Variants in ZDBF2 observed in about 807,000 individuals in gnomAD.
The protein encoded by ZDBF2 is DBF4-type zinc finger-containing protein 2.
In ZDBF2, 6 loss-of-function variants were observed where a neutral mutation model predicts 9.4. The ratio of observed to expected loss-of-function variants is 0.64; its 90% CI spans 0.35 to 1.27. The LOEUF (loss-of-function observed/expected upper bound fraction) is 1.27, where lower values mean the gene tolerates loss of function less well. Ranked by LOEUF, ZDBF2 falls within the 50% of genes most tolerant of loss-of-function variation. The pLI, the probability that ZDBF2 is intolerant of heterozygous loss-of-function variation, is 0.03. For missense variants in ZDBF2, 2,697 were observed against 2,766.8 expected, an observed-to-expected ratio of 0.97 and a Z score of 0.57; for synonymous variants, 905 against 946.3, an observed-to-expected ratio of 0.96 and a Z score of 0.80.
At position 206,307,159 on chromosome 2, in the gene ZDBF2, T is replaced by C; in HGVS notation, c.2631T>C (p.His877=). ...PSGSEISSDS[H]APLHSVTNSP... is the part of the protein sequence containing the mutation. ...GTTCTGAAATAAGTTCGGATTCCCA[T>C]GCCCCTCTTCATTCAGTGACTAATT... Residue 877 remains histidine (H), a synonymous_variant, in exon 5 of 5, where the codon CAT becomes CAC. Coordinates refer to ENST00000374423, the MANE Select transcript of ZDBF2 (RefSeq NM_020923.3). 6.2e-7 allele frequency: 1 copy of C among 1,613,390 alleles called. No homozygotes were observed.
At chr2:206,292,758 A>G (rs898693493) in intron 3 of ZDBF2, among the ~76,000 whole-genome samples, 2 of 152,246 alleles carry the variant, frequency 1.3e-5, no homozygotes, top group Admixed American at 1.3e-4. Context: ...ATCATTTACA[A>G]TAGCATCAAA....
At chr2:206,290,112 C>G (rs1439534846) in intron 3 of ZDBF2, among the ~76,000 whole-genome samples, 1 of 152,192 alleles carries the variant, frequency 6.6e-6, no homozygotes, top group Non-Finnish European at 1.5e-5. Context: ...TGAAGACTAT[C>G]CTTTCCACAT....
intron 3 of ZDBF2, among the ~76,000 whole-genome samples, chr2:206,282,632 A>G (rs1428061588): frequency 6.6e-6 from 1 of 152,188 alleles, no homozygotes; most frequent in East Asian, 1.9e-4. Context: ...TAGGAGTTAA[A>G]TCGTCTACTT....
rs1693089009 is a variant in ZDBF2, at chr2:206,310,289, C to G, written c.5761C>G (p.Pro1921Ala). The G allele has an allele frequency of 6.2e-7, 1 of 1,613,938 alleles. No individual in the cohort carries two copies. The highest frequency in any genetic ancestry group is 1.1e-5 in the South Asian group (1 of 91,068). Residue 1921 changes from proline to alanine, a missense_variant, in exon 5 of 5, where the codon CCT becomes GCT. Pro to Ala is a conservative substitution (Grantham distance 27). Coordinates refer to ENST00000374423, the MANE Select transcript of ZDBF2 (RefSeq NM_020923.3). ...CTTAGATAAACCATGCCATCGTCAT[C>G]CTCCAGCAGAGAGGCCTCCTAAGCA... ...VALDKPCHRHPPAERPPKQKG... is the reference protein window; with the variant it reads ...VALDKPCHRHAPAERPPKQKG...
rs146720675 is a variant in ZDBF2 at position 206,308,999 on chromosome 2, G to A, written c.4471G>A (p.Asp1491Asn). 9.9e-6 allele frequency: 16 copies of A among 1,613,758 alleles called. No homozygotes were observed. Among genetic ancestry groups the A allele is most frequent in the Middle Eastern group, 1.6e-4 (1 of 6,062 alleles). The change falls in exon 5 of 5, where the codon GAT becomes AAT. Residue 1491 changes from aspartate to asparagine, a missense_variant. Asp to Asn is a conservative substitution (Grantham distance 23, BLOSUM62 1). Coordinates refer to ENST00000374423, the MANE Select transcript of ZDBF2 (RefSeq NM_020923.3). ...EEHVVMEEKTDQPSDSEMMYD... is the reference protein window; with the variant it reads ...EEHVVMEEKTNQPSDSEMMYD... ...GCATGTTGTCATGGAAGAAAAGACC[G>A]ATCAACCTAGTGATTCAGAAATGAT... is the stretch of plus-strand genomic sequence containing the variant.
intron 4 of ZDBF2, among the ~76,000 whole-genome samples, chr2:206,300,143 A>T (rs1028787254): frequency 3.3e-5 from 5 of 152,098 alleles, no homozygotes; most frequent in African/African-American, 9.7e-5. Flanking sequence ...AAAGCAAAAA[A>T]TTCCCTGAAC....
intron 3 of ZDBF2, among the ~76,000 whole-genome samples, 191 bp from the exon 4 acceptor site, chr2:206,297,055 T>G (rs1013110162): frequency 3.9e-5 from 6 of 152,232 alleles, no homozygotes; most frequent in Non-Finnish European, 8.8e-5. Flanking sequence ...TAGGCTGTAC[T>G]TAGGGAAATC....
At chr2:206,297,189 ACT>A (rs1692226977) in intron 3 of ZDBF2, 55 bp from the exon 4 acceptor site, 1 of 672,892 alleles carries the variant, frequency 1.5e-6, no homozygotes, top group Non-Finnish European at 2.5e-6. Flanking sequence ...ATTTTGTCGA[ACT>A]CTCACTACTG....
At chr2:206,284,028 T>C (rs980697198) in intron 3 of ZDBF2, among the ~76,000 whole-genome samples, 2 of 152,176 alleles carry the variant, frequency 1.3e-5, no homozygotes, top group Non-Finnish European at 2.9e-5. Flanking sequence ...GTTTTGCTTA[T>C]GTTTTTTGGT....
Position 206,311,532 on chromosome 2 carries a change from A to G in ZDBF2, c.7004A>G (p.Gln2335Arg). 1 of 1,558,278 alleles carries G rather than the reference A, an allele frequency of 6.4e-7. No homozygotes were observed. Among genetic ancestry groups the G allele is most frequent in the Non-Finnish European group, 8.6e-7 (1 of 1,156,672 alleles). ...GATCTGAGAAGCTCATCTTGTTTACAACAACGTGAGAGAATGATGACTCGG... is the reference window on the plus strand; with the variant it reads ...GATCTGAGAAGCTCATCTTGTTTACGACAACGTGAGAGAATGATGACTCGG... The part of the protein sequence containing the change: ...AYDLRSSSCL[Q>R]QRERMMTRLA... Residue 2335 changes from glutamine (Q) to arginine (R), a missense_variant, in exon 5 of 5, where the codon CAA becomes CGA. This residue lies in a region of ZDBF2 where 1,783 missense variants were observed against 1,776.5 expected (regional missense o/e 1.00). Coordinates refer to ENST00000374423, the MANE Select transcript of ZDBF2 (RefSeq NM_020923.3).
chr2:206,304,602 C>T, intron 4 of ZDBF2, 115 bp from the exon 5 acceptor site: 1 of 1,310,790 alleles, frequency 7.6e-7, no homozygotes, highest in Non-Finnish European at 1.0e-6. Context: ...GCCTGGATTC[C>T]TTGTCCTTTA....
At chr2:206,283,884 A>G (rs1051665806) in intron 3 of ZDBF2, among the ~76,000 whole-genome samples, 2 of 152,084 alleles carry the variant, frequency 1.3e-5, no homozygotes, top group Non-Finnish European at 2.9e-5. Context: ...GCTGGTCTCA[A>G]ACTCCTGGGC....
intron 3 of ZDBF2, among the ~76,000 whole-genome samples, chr2:206,293,413 A>G (rs867100444): frequency 4.6e-5 from 7 of 152,196 alleles, no homozygotes; most frequent in Admixed American, 2.0e-4. Context: ...TTCTGGCCAC[A>G]AAAAGCACTG....
At chr2:206,293,557 A>G (rs151076170) in intron 3 of ZDBF2, among the ~76,000 whole-genome samples, 1 of 152,336 alleles carries the variant, frequency 6.6e-6, no homozygotes, top group African/African-American at 2.4e-5. Context: ...GGTGTCCTGA[A>G]TAGGGAATTT....
rs1426879536 is a variant in ZDBF2, at chr2:206,309,309, C to G, written c.4781C>G (p.Thr1594Arg). The change falls in exon 5 of 5, where the codon ACA (threonine) becomes AGA (arginine). Residue 1594 changes from threonine (T) to arginine (R), a missense_variant. Around this residue, in one of 3 missense-constraint regions of ZDBF2, gnomAD observed 1,783 missense variants for 1,776.5 expected, o/e 1.00. Transcript: ENST00000374423. The stretch of plus-strand genomic sequence containing the variant: ...TGTAAAGCCTCTACTCCCTCAATGA[C>G]AAACCAATGCAAAGAGACTTTCAAA... ...CNCKASTPSM[T>R]NQCKETFKII... 1.9e-6 allele frequency: 3 copies of G among 1,612,234 alleles called. No individual in the cohort carries two copies. The highest frequency in any genetic ancestry group is 2.7e-5 in the African/African-American group (2 of 74,880).
At chr2:206,302,326 A>C (rs1692549335) in intron 4 of ZDBF2, among the ~76,000 whole-genome samples, 1 of 152,016 alleles carries the variant, frequency 6.6e-6, no homozygotes, top group African/African-American at 2.4e-5. Flanking sequence ...GTGGTTTTTA[A>C]TCTTTAATGG....
intron 2 of ZDBF2, among the ~76,000 whole-genome samples, chr2:206,280,112 G>A (rs1277129386): frequency 6.6e-6 from 1 of 152,180 alleles, no homozygotes; most frequent in African/African-American, 2.4e-5. Flanking sequence ...GCTGCCTTGA[G>A]CATTTTAAAT....
chr2:206,275,869 T>C (rs1206439511), intron 1 of ZDBF2, among the ~76,000 whole-genome samples: 26 of 152,218 alleles, frequency 1.7e-4, no homozygotes, highest in Admixed American at 1.7e-3. Context: ...ACTTAATACG[T>C]GGAAGACCTT....
chr2:206,284,243 G>A (rs1691483537), intron 3 of ZDBF2, among the ~76,000 whole-genome samples: 2 of 151,796 alleles, frequency 1.3e-5, no homozygotes, highest in Admixed American at 1.3e-4. Flanking sequence ...GCGCATCAGA[G>A]CTCTCCCTGT....
Sources: allele counts gnomAD v4.1 joint callset (sites outside exome capture counted in the v4.1 genomes callset), GRCh38; gene constraint gnomAD v4.1.1; regional missense constraint gnomAD v4.1.1; transcripts MANE v1.5; gene names NCBI Gene and HGNC (gene_info 2026-07-23, HGNC 2026-07-21).